Variants in PTPN12 observed in about 807,000 individuals in gnomAD.
PTPN12 encodes the protein tyrosine-protein phosphatase non-receptor type 12.
PTPN12 carries 29 observed loss-of-function variants against 97.6 expected under a neutral mutation model. The observed-to-expected ratio is 0.30, with a 90% CI of 0.22 to 0.41. The LOEUF is 0.41. Ranked by LOEUF, PTPN12 falls within the 10% of genes least tolerant of loss-of-function variation. PTPN12 has a pLI of 1.00. For missense variants in PTPN12, 819 were observed against 926.0 expected (o/e 0.88, Z 1.50); for synonymous variants, 327 against 300.4 (o/e 1.09, Z -0.91).
At position 77,592,129 on chromosome 7, in the gene PTPN12, A is replaced by G. The variant is rs1193498387; in HGVS notation, c.421-56A>G. ...AACCTCAGGACACAAAATATTTATA[A>G]CAGTTTAAGAAAAACTTACATGAAT... On this transcript the variant is annotated intron_variant, in intron 5 of 17. Transcript: ENST00000248594. The G allele has an allele frequency of 1.2e-5, 17 of 1,437,960 alleles. No individual in the cohort carries two copies. The Admixed American group carries it at 3.2e-4, about 27-fold the overall frequency. The allele number at this position is 1,437,960 out of a possible 1,614,324, so 89.1% of individuals were successfully genotyped here. A position where few individuals can be genotyped will look rare whatever the true frequency, so the allele number is the denominator to read the frequency against.
chr7:77,632,143 G>A (rs1789419881), intron 13 of PTPN12, among the ~76,000 whole-genome samples: 1 of 152,208 alleles, frequency 6.6e-6, no homozygotes, highest in African/African-American at 2.4e-5. Flanking sequence ...AAAGTCATGG[G>A]AGAGAGTCAT....
At chr7:77,543,910 A>G (rs1807103504) in intron 1 of PTPN12, among the ~76,000 whole-genome samples, 1 of 152,184 alleles carries the variant, frequency 6.6e-6, no homozygotes, top group African/African-American at 2.4e-5. Context: ...TTATCCATTC[A>G]TCGTGTTGAT....
chr7:77,561,623 A>G (rs1807998729), intron 1 of PTPN12, among the ~76,000 whole-genome samples: 1 of 152,112 alleles, frequency 6.6e-6, no homozygotes, highest in Non-Finnish European at 1.5e-5. Context: ...TGCAGAGAGA[A>G]GTGTGAATTC....
chr7:77,543,194 G>GA (rs1333604279), intron 1 of PTPN12, among the ~76,000 whole-genome samples: 9 of 152,028 alleles, frequency 5.9e-5, no homozygotes, highest in Admixed American at 3.9e-4. Context: ...TTGGTGACTA[G>GA]AAAAAACAGT....
chr7:77,579,350 C>G (rs937130370), intron 2 of PTPN12, among the ~76,000 whole-genome samples: 1 of 152,160 alleles, frequency 6.6e-6, no homozygotes, highest in Non-Finnish European at 1.5e-5. Flanking sequence ...GTCTCAAACT[C>G]TTAACCTCAT....
chr7:77,583,231 G>A (rs1027509652), intron 3 of PTPN12, among the ~76,000 whole-genome samples: 1 of 152,130 alleles, frequency 6.6e-6, no homozygotes, highest in Non-Finnish European at 1.5e-5. Context: ...CTGTATTTCT[G>A]CCAGTTAGCT....
chr7:77,618,726 A>G (rs1446379289), intron 12 of PTPN12, among the ~76,000 whole-genome samples, 161 bp downstream of exon 12: 1 of 152,218 alleles, frequency 6.6e-6, no homozygotes, highest in Admixed American at 6.5e-5. Context: ...TTACTGGTTT[A>G]TTAAAAATTT....
chr7:77,622,336 A>C (rs1788968479), intron 12 of PTPN12, among the ~76,000 whole-genome samples: 1 of 152,216 alleles, frequency 6.6e-6, no homozygotes, highest in African/African-American at 2.4e-5. Flanking sequence ...AATATGAAAA[A>C]ACAGAGGAAA....
In PTPN12 at chr7:77,585,416, A is replaced by G. The variant is rs1201573990; in HGVS notation, c.382-127A>G. ...CTTTAACTTACACATTTAATATTGA[A>G]ACTACTTTTTTAGGCAAGCCAATTA... is the stretch of plus-strand genomic sequence containing the variant. On this transcript the variant is annotated intron_variant, in intron 4 of 17. Transcript: ENST00000248594. The G allele has an allele frequency of 4.3e-6, 3 of 699,268 alleles. No homozygotes were observed. The East Asian group carries it at 8.0e-5, about 19-fold the overall frequency. 43.3% of individuals were successfully genotyped at this position (699,268 alleles called of 1,614,324 possible). A position where few individuals can be genotyped will look rare whatever the true frequency, so the allele number is the denominator to read the frequency against.
rs183537844 is a variant in PTPN12 at position 77,543,788 on chromosome 7, C to G, written c.99+6143C>G. Among the ~76,000 whole-genome samples the G allele has an allele frequency of 2.1e-3, 327 of 152,250 alleles. 11 individuals carry two copies. Among genetic ancestry groups the G allele is most frequent in the Non-Finnish European group, 2.3e-3 (159 of 68,014 alleles). On this transcript the variant is annotated intron_variant, in intron 1 of 17. Transcript: ENST00000248594. ...ACAATATGTGGTGTTTTGTGACTGACTCCACCTAACATGATGATTTCAAGT... is the reference window on the plus strand; with the variant it reads ...ACAATATGTGGTGTTTTGTGACTGAGTCCACCTAACATGATGATTTCAAGT...
Position 77,634,358 on chromosome 7 carries a change from G to T in PTPN12, c.2075-1424G>T, listed in dbSNP as rs1018740452. 2.6e-5 allele frequency among the ~76,000 whole-genome samples: 4 copies of T among 152,256 alleles called. No homozygotes were observed. The East Asian group carries it at 7.7e-4, about 29-fold the overall frequency. On this transcript the variant is annotated intron_variant, in intron 14 of 17. Coordinates refer to ENST00000248594, the MANE Select transcript of PTPN12 (RefSeq NM_002835.4). Reference sequence around the variant, plus strand: ...TCATGCTCAGTGGAGGTGCTCACTTGTCTAAGTACATTTTACCAATATATT... The same window carrying T: ...TCATGCTCAGTGGAGGTGCTCACTTTTCTAAGTACATTTTACCAATATATT...
intron 2 of PTPN12, among the ~76,000 whole-genome samples, chr7:77,580,827 T>A (rs1247392473): frequency 6.6e-6 from 1 of 152,212 alleles, no homozygotes; most frequent in African/African-American, 2.4e-5. Context: ...TTACATTTTT[T>A]AAATAAGAAT....
At chr7:77,555,636 C>T (rs940465301) in intron 1 of PTPN12, among the ~76,000 whole-genome samples, 6 of 152,202 alleles carry the variant, frequency 3.9e-5, no homozygotes, top group South Asian at 2.1e-4. Flanking sequence ...TTTCTTAGGC[C>T]GGGCACGGTG....
intron 13 of PTPN12, 149 bp from the exon 14 acceptor site, chr7:77,632,196 GATA>G: frequency 1.6e-6 from 1 of 627,596 alleles, no homozygotes; most frequent in East Asian, 2.7e-5. Flanking sequence ...CATAATTCTT[GATA>G]ATGAGTGGAA....
chr7:77,629,443 A>G (rs1379089197), intron 13 of PTPN12, among the ~76,000 whole-genome samples: 1 of 152,202 alleles, frequency 6.6e-6, no homozygotes, highest in African/African-American at 2.4e-5. Context: ...CTGTAACTAT[A>G]TAAGAAAATA....
intron 1 of PTPN12, among the ~76,000 whole-genome samples, chr7:77,542,871 G>A (rs554313003): frequency 6.6e-6 from 1 of 152,306 alleles, no homozygotes; most frequent in South Asian, 2.1e-4. Context: ...CGGAGTTAAA[G>A]ATGTAGGCAT....
intron 7 of PTPN12, among the ~76,000 whole-genome samples, chr7:77,599,140 A>T (rs762587123): frequency 1.1e-4 from 17 of 151,932 alleles, no homozygotes; most frequent in African/African-American, 3.9e-4. Context: ...TGGAATAGTT[A>T]TACCTTCTTT....
chr7:77,637,071 TC>T (rs745415476), intron 16 of PTPN12, 23 bp downstream of exon 16: 1,025 of 1,569,020 alleles, frequency 6.5e-4, no homozygotes, highest in Non-Finnish European at 7.3e-4. Context: ...ATTTTTTTTT[TC>T]CTTTTTACTG....
At chr7:77,614,895 T>G (rs1365021121) in intron 11 of PTPN12, among the ~76,000 whole-genome samples, 1 of 152,238 alleles carries the variant, frequency 6.6e-6, no homozygotes. Context: ...TGTTCTGTGT[T>G]CCAGTATTAT....
Sources: allele counts gnomAD v4.1 joint callset (sites outside exome capture counted in the v4.1 genomes callset), GRCh38; gene constraint gnomAD v4.1.1; transcripts MANE v1.5; gene names NCBI Gene and HGNC (gene_info 2026-07-23, HGNC 2026-07-21).